Variants in SDK1 observed in about 807,000 individuals in gnomAD.
SDK1 encodes protein sidekick-1.
SDK1 carries 157 observed loss-of-function variants against 245.5 expected under a neutral mutation model. The ratio of observed to expected loss-of-function variants is 0.64; its 90% CI spans 0.56 to 0.73. The LOEUF (loss-of-function observed/expected upper bound fraction) is 0.73, where lower values mean the gene tolerates loss of function less well. SDK1 is among the 30% of genes least tolerant of loss of function. The pLI, the probability that SDK1 is intolerant of heterozygous loss-of-function variation, is 0.00. For missense variants in SDK1, 3,583 were observed against 3,002.3 expected, an observed-to-expected ratio of 1.19 and a Z score of -4.52; for synonymous variants, 1,647 against 1,278.5, an observed-to-expected ratio of 1.29 and a Z score of -6.15.
intron 4 of SDK1, among the ~76,000 whole-genome samples, chr7:3,721,007 C>A (rs867674016): frequency 6.6e-6 from 1 of 152,154 alleles, no homozygotes; most frequent in Non-Finnish European, 1.5e-5. Context: ...GGTCACAGAC[C>A]GCATGAGTCC....
chr7:4,005,770 C>G (rs1785439660), intron 14 of SDK1, among the ~76,000 whole-genome samples: 1 of 152,158 alleles, frequency 6.6e-6, no homozygotes, highest in Admixed American at 6.5e-5. Context: ...GTGGTTCACT[C>G]CTGTAATCTC....
chr7:3,971,445 C>A (rs115285014), intron 11 of SDK1, 21 bp from the exon 12 acceptor site: 15 of 1,557,542 alleles, frequency 9.6e-6, no homozygotes, highest in Non-Finnish European at 1.3e-5. Context: ...TCGTCTGACT[C>A]GTGACTTGTG....
chr7:3,573,273 A>G (rs1289410114), intron 1 of SDK1, among the ~76,000 whole-genome samples: 2 of 152,120 alleles, frequency 1.3e-5, no homozygotes, highest in African/African-American at 4.8e-5. Context: ...GCTGGAGCTG[A>G]GCAAGGGACT....
intron 1 of SDK1, among the ~76,000 whole-genome samples, chr7:3,536,851 A>G (rs186227187): frequency 5.9e-5 from 9 of 152,360 alleles, no homozygotes; most frequent in African/African-American, 1.9e-4. Flanking sequence ...GGAAAAATCC[A>G]TTTTAATAAA....
At chr7:3,435,558 T>A (rs1779998798) in intron 1 of SDK1, among the ~76,000 whole-genome samples, 1 of 151,616 alleles carries the variant, frequency 6.6e-6, no homozygotes, top group Non-Finnish European at 1.5e-5. Context: ...AGAGACGGGG[T>A]TTCACCGTGT....
At chr7:3,443,485 G>C (rs1780256718) in intron 1 of SDK1, among the ~76,000 whole-genome samples, 7 of 152,184 alleles carry the variant, frequency 4.6e-5, no homozygotes, top group Admixed American at 4.6e-4. Flanking sequence ...ATATTTTCCA[G>C]CTTGTAATTA....
At chr7:3,806,580 C>G (rs1779254045) in intron 4 of SDK1, among the ~76,000 whole-genome samples, 1 of 152,226 alleles carries the variant, frequency 6.6e-6, no homozygotes, top group Middle Eastern at 3.2e-3. Context: ...GAACTTCACA[C>G]CTGTTCATTT....
intron 4 of SDK1, among the ~76,000 whole-genome samples, chr7:3,689,981 T>C (rs893612960): frequency 1.3e-5 from 2 of 152,254 alleles, no homozygotes; most frequent in African/African-American, 4.8e-5. Context: ...ATGAATGTTT[T>C]GTATTTGAGT....
intron 10 of SDK1, among the ~76,000 whole-genome samples, 160 bp from the exon 11 acceptor site, chr7:3,969,097 C>G (rs899819822): frequency 6.6e-6 from 1 of 152,202 alleles, no homozygotes; most frequent in Non-Finnish European, 1.5e-5. Context: ...CAGTCACCTC[C>G]CACCAGATTC....
chr7:3,849,849 G>C (rs1454250644), intron 5 of SDK1, among the ~76,000 whole-genome samples: 3 of 152,198 alleles, frequency 2.0e-5, no homozygotes, highest in Non-Finnish European at 4.4e-5. Context: ...CTCACGTGGA[G>C]AGTTTGTGAT....
intron 1 of SDK1, among the ~76,000 whole-genome samples, chr7:3,558,625 A>C (rs944262775): frequency 6.6e-6 from 1 of 152,204 alleles, no homozygotes; most frequent in Non-Finnish European, 1.5e-5. Flanking sequence ...CAGAGGGGCA[A>C]TGCAGACACA....
At chr7:3,343,487 A>G (rs1439753661) in intron 1 of SDK1, among the ~76,000 whole-genome samples, 1 of 152,210 alleles carries the variant, frequency 6.6e-6, no homozygotes, top group Non-Finnish European at 1.5e-5. Flanking sequence ...TCCAGTGGCT[A>G]AAGAGCAGAA....
chr7:3,581,420 G>C (rs1780490367), intron 1 of SDK1, among the ~76,000 whole-genome samples: 1 of 152,106 alleles, frequency 6.6e-6, no homozygotes, highest in Non-Finnish European at 1.5e-5. Flanking sequence ...TGATCACTAG[G>C]GAAATGCAAA....
At chr7:3,624,124 A>G (rs1256295743) in intron 2 of SDK1, among the ~76,000 whole-genome samples, 1 of 152,230 alleles carries the variant, frequency 6.6e-6, no homozygotes, top group Admixed American at 6.5e-5. Context: ...TTGCTATAAA[A>G]ATTACAGTTC....
intron 4 of SDK1, among the ~76,000 whole-genome samples, chr7:3,751,735 A>C (rs1038705107): frequency 1.3e-5 from 2 of 152,166 alleles, no homozygotes; most frequent in Non-Finnish European, 2.9e-5. Context: ...CCAGTCAAGG[A>C]GGCTTCCAAC....
chr7:3,497,664 T>C (rs1583953051), intron 1 of SDK1, among the ~76,000 whole-genome samples: 1 of 152,338 alleles, frequency 6.6e-6, no homozygotes, highest in East Asian at 1.9e-4. Context: ...ATATTGTTTG[T>C]AGTAAGATGG....
chr7:3,577,592 T>C (rs994273362), intron 1 of SDK1, among the ~76,000 whole-genome samples: 4 of 152,050 alleles, frequency 2.6e-5, no homozygotes, highest in Non-Finnish European at 5.9e-5. Flanking sequence ...GTAATCCTCA[T>C]GGAACTCACT....
intron 4 of SDK1, among the ~76,000 whole-genome samples, chr7:3,762,193 C>T (rs1294037684): frequency 6.6e-6 from 1 of 152,138 alleles, no homozygotes; most frequent in Non-Finnish European, 1.5e-5. Flanking sequence ...CAGCTTAGAT[C>T]CGTGGTTTCT....
In SDK1 at chr7:4,012,124, C is replaced by T. The variant is rs1786022378; in HGVS notation, c.2309C>T (p.Ala770Val). 6.4e-7 allele frequency: 1 copy of T among 1,573,342 alleles called. No homozygotes were observed. The highest frequency in any genetic ancestry group is 8.6e-7 in the Non-Finnish European group (1 of 1,160,340). ...RLMLPEEPPS[A>V]PPKNIVASGR... ...ATGCTACCTGAAGAACCACCCAGTG[C>T]TCCCCCGAAAAATATAGTGGCCAGT... Residue 770 changes from alanine to valine, a missense_variant, in exon 16 of 45, where the codon GCT becomes GTT. Physicochemically the swap from Ala to Val is moderately conservative, Grantham distance 64. Transcript: ENST00000404826.
Sources: allele counts gnomAD v4.1 joint callset (sites outside exome capture counted in the v4.1 genomes callset), GRCh38; gene constraint gnomAD v4.1.1; transcripts MANE v1.5; gene names NCBI Gene and HGNC (gene_info 2026-07-23, HGNC 2026-07-21).